EPHA6: variants seen among roughly 807,000 people sequenced by gnomAD.
EPHA6 encodes ephrin type-A receptor 6.
EPHA6 carries 50 observed loss-of-function variants against 112.0 expected under a neutral mutation model. The ratio of observed to expected loss-of-function variants is 0.45; its 90% CI spans 0.36 to 0.56. The LOEUF is 0.56. EPHA6 is among the 20% of genes least tolerant of loss of function. EPHA6 has a pLI of 0.00. For synonymous variants in EPHA6, 529 were observed against 490.7 expected (o/e 1.08, Z -1.03); for missense variants, 1,280 against 1,417.4 (o/e 0.90, Z 1.56).
At chr3:97,208,172 C>T (rs539551116) in intron 3 of EPHA6, among the ~76,000 whole-genome samples, 2 of 152,208 alleles carry the variant, frequency 1.3e-5, no homozygotes, top group African/African-American at 4.8e-5. Context: ...GAGAATCTGT[C>T]ATATCCAAAC....
chr3:97,595,793 AT>A lies in EPHA6; in HGVS notation c.2512+3062del, dbSNP rs1388450391. Reference sequence around the variant, plus strand: ...AGAAATGACGTAACTCTAAAATTTTATTTTTTAAAGGAAAGTCTTCCTCCAC... The same window carrying A: ...AGAAATGACGTAACTCTAAAATTTTATTTTTAAAGGAAAGTCTTCCTCCAC... On this transcript the variant is annotated intron_variant, in intron 12 of 17. Coordinates refer to ENST00000389672, the MANE Select transcript of EPHA6 (RefSeq NM_001080448.3). Among the ~76,000 whole-genome samples, 3 of 150,892 alleles carry A rather than the reference AT, an allele frequency of 2.0e-5. No homozygotes were observed. In the East Asian group the frequency reaches 5.8e-4, roughly 29 times the overall value.
intron 3 of EPHA6, among the ~76,000 whole-genome samples, chr3:97,165,506 A>G (rs2076520809): frequency 6.6e-6 from 1 of 152,174 alleles, no homozygotes; most frequent in African/African-American, 2.4e-5. Context: ...AGTGGAAATC[A>G]GAGCAAATAT....
At chr3:96,908,314 AT>A (rs1332064141) in intron 2 of EPHA6, among the ~76,000 whole-genome samples, 2 of 151,878 alleles carry the variant, frequency 1.3e-5, no homozygotes, top group Non-Finnish European at 2.9e-5. Flanking sequence ...CTAACTACTA[AT>A]TTTTTCTATA....
chr3:97,314,380 T>G (rs2081708916), intron 5 of EPHA6, among the ~76,000 whole-genome samples: 1 of 151,730 alleles, frequency 6.6e-6, no homozygotes, highest in Non-Finnish European at 1.5e-5. Context: ...TTTAAGATGC[T>G]ACTTTTGTCT....
chr3:97,695,183 A>G (rs974664255), intron 14 of EPHA6, among the ~76,000 whole-genome samples: 3 of 152,204 alleles, frequency 2.0e-5, no homozygotes, highest in African/African-American at 7.2e-5. Flanking sequence ...CTGATTTTGT[A>G]TTACTCAAAA....
At chr3:97,635,235 A>G (rs963173824) in intron 13 of EPHA6, among the ~76,000 whole-genome samples, 8 of 152,128 alleles carry the variant, frequency 5.3e-5, no homozygotes, top group African/African-American at 1.7e-4. Context: ...AAAGTAGTTT[A>G]GATTCTTTTA....
At chr3:97,279,186 C>T (rs184134043) in intron 5 of EPHA6, among the ~76,000 whole-genome samples, 1 of 152,178 alleles carries the variant, frequency 6.6e-6, no homozygotes, top group South Asian at 2.1e-4. Flanking sequence ...CCTAGTTTTG[C>T]TTTTACCTCC....
intron 5 of EPHA6, among the ~76,000 whole-genome samples, chr3:97,288,058 TA>T (rs577313606): frequency 0.037 from 5,179 of 140,400 alleles, 263 homozygotes; most frequent in African/African-American, 0.12. Context: ...TTAGGAGACG[TA>T]AAAAAAAAAA....
intron 2 of EPHA6, among the ~76,000 whole-genome samples, chr3:96,867,469 A>G (rs2036383904): frequency 1.3e-5 from 2 of 151,688 alleles, no homozygotes; most frequent in Non-Finnish European, 1.5e-5. Flanking sequence ...GTTGTACTTG[A>G]CTTTTTATAT....
At chr3:97,195,633 G>T (rs2077420140) in intron 3 of EPHA6, among the ~76,000 whole-genome samples, 1 of 151,974 alleles carries the variant, frequency 6.6e-6, no homozygotes, top group African/African-American at 2.4e-5. Flanking sequence ...TTTTCTTTCA[G>T]ATTGAAGAAC....
At chr3:97,084,146 A>G (rs2046820635) in intron 3 of EPHA6, among the ~76,000 whole-genome samples, 1 of 144,280 alleles carries the variant, frequency 6.9e-6, no homozygotes, top group African/African-American at 2.5e-5. Context: ...ATGCACACAC[A>G]CACACACACA....
chr3:97,679,118 T>C (rs888981868), intron 14 of EPHA6, among the ~76,000 whole-genome samples: 18 of 152,196 alleles, frequency 1.2e-4, no homozygotes, highest in Admixed American at 1.3e-4. Flanking sequence ...AAGTTATACA[T>C]TGCAATTTTT....
chr3:97,465,320 T>A (rs1276252742), intron 7 of EPHA6, among the ~76,000 whole-genome samples: 1 of 152,040 alleles, frequency 6.6e-6, no homozygotes, highest in Non-Finnish European at 1.5e-5. Context: ...AAAATAATAG[T>A]AGTAAATAGT....
At chr3:97,700,191 T>C (rs779957119) in intron 14 of EPHA6, among the ~76,000 whole-genome samples, 2 of 152,186 alleles carry the variant, frequency 1.3e-5, no homozygotes, top group Non-Finnish European at 2.9e-5. Flanking sequence ...AAACCATTCA[T>C]GTATGAAGAA....
intron 8 of EPHA6, 101 bp downstream of exon 8, chr3:97,475,561 G>T: frequency 1.3e-6 from 1 of 763,416 alleles, no homozygotes; most frequent in African/African-American, 1.8e-5. Context: ...GCACACCTGA[G>T]GTCGAGAGGG....
At chr3:97,400,415 T>G (rs1249356433) in intron 5 of EPHA6, among the ~76,000 whole-genome samples, 1 of 151,702 alleles carries the variant, frequency 6.6e-6, no homozygotes, top group Non-Finnish European at 1.5e-5. Context: ...TTTGTTTTGT[T>G]TTTTCCTCAA....
At chr3:96,923,259 A>G (rs1268664231) in intron 2 of EPHA6, among the ~76,000 whole-genome samples, 1 of 152,170 alleles carries the variant, frequency 6.6e-6, no homozygotes, top group Non-Finnish European at 1.5e-5. Flanking sequence ...TCCCACCAAC[A>G]ATGAAAAAAA....
chr3:96,994,728 T>TAGAG (rs1455826302), intron 3 of EPHA6, among the ~76,000 whole-genome samples: 58 of 78,828 alleles, frequency 7.4e-4, no homozygotes, highest in Middle Eastern at 5.6e-3. Context: ...TATATATATA[T>TAGAG]ATATAGAGAG....
intron 16 of EPHA6, 151 bp from the exon 17 acceptor site, chr3:97,747,272 T>C: frequency 3.1e-6 from 2 of 638,596 alleles, no homozygotes; most frequent in Non-Finnish European, 4.7e-6. Flanking sequence ...AGTGACTGAT[T>C]TGAATAAGAT....
Sources: allele counts gnomAD v4.1 joint callset (sites outside exome capture counted in the v4.1 genomes callset), GRCh38; gene constraint gnomAD v4.1.1; transcripts MANE v1.5; gene names NCBI Gene and HGNC (gene_info 2026-07-23, HGNC 2026-07-21).